Variants in ARIH1 observed in about 807,000 individuals in gnomAD.
The protein encoded by ARIH1 is E3 ubiquitin-protein ligase ARIH1.
ARIH1 carries 8 observed loss-of-function variants against 85.0 expected under a neutral mutation model. The observed-to-expected ratio is 0.09, with a 90% CI of 0.06 to 0.17. The LOEUF is 0.17. Among genes scored for constraint, ARIH1 ranks in the 10% least tolerant of loss-of-function variants. ARIH1 has a pLI of 1.00. For missense variants in ARIH1, 311 were observed against 718.1 expected (o/e 0.43, Z 6.48); for synonymous variants, 238 against 253.6 (o/e 0.94, Z 0.59).
At position 72,592,883 on chromosome 15, in the gene ARIH1, CTT is replaced by C. The variant is rs2064348553; in HGVS notation, c.*9594_*9595del. The C allele has an allele frequency of 6.6e-6, 1 of 152,042 alleles. No individual in the cohort carries two copies. 9.4% of individuals were successfully genotyped at this position (152,042 alleles called of 1,614,324 possible). ...GATGCTATCGATATTCTTACACAGC[CTT>C]TTGTTTTTGTTTTTTGTGGATATAC... On this transcript the variant is annotated 3_prime_UTR_variant, in exon 14 of 14. Coordinates refer to ENST00000379887, the MANE Select transcript of ARIH1 (RefSeq NM_005744.5).
rs1370680500 is a variant in ARIH1 at position 72,590,554 on chromosome 15, T to C, written c.*7262T>C. Reference sequence around the variant, plus strand: ...GAAGTCTAACCTTACTTTGATCTGATGACATGGGCTTTTTAAAAGATTACT... The same window carrying C: ...GAAGTCTAACCTTACTTTGATCTGACGACATGGGCTTTTTAAAAGATTACT... On this transcript the variant is annotated 3_prime_UTR_variant, in exon 14 of 14. Transcript: ENST00000379887. 6.8e-6 allele frequency: 1 copy of C among 146,322 alleles called. No individual in the cohort carries two copies. The highest frequency in any genetic ancestry group is 1.5e-5 in the Non-Finnish European group (1 of 65,964). The allele number at this position is 146,322 out of a possible 1,614,324, so 9.1% of individuals were successfully genotyped here. A position where few individuals can be genotyped will look rare whatever the true frequency, so the allele number is the denominator to read the frequency against.
At chr15:72,497,653 G>T (rs1452315050) in intron 1 of ARIH1, among the ~76,000 whole-genome samples, 2 of 152,162 alleles carry the variant, frequency 1.3e-5, no homozygotes, top group Non-Finnish European at 2.9e-5. Context: ...CTATAGGGAT[G>T]GTGGAATGAT....
chr15:72,477,928 TC>T (rs776889839), intron 1 of ARIH1, among the ~76,000 whole-genome samples: 4 of 151,202 alleles, frequency 2.6e-5, no homozygotes, highest in Non-Finnish European at 4.4e-5. Context: ...TGCCTCAGCT[TC>T]CCCCCCTACC....
intron 1 of ARIH1, among the ~76,000 whole-genome samples, chr15:72,511,048 A>G (rs2063948654): frequency 1.3e-5 from 2 of 152,140 alleles, no homozygotes; most frequent in South Asian, 2.1e-4. Flanking sequence ...AGTGGAATCT[A>G]TAGGTCAGTT....
At chr15:72,516,659 T>TGC (rs1316636251) in intron 1 of ARIH1, among the ~76,000 whole-genome samples, 1 of 152,134 alleles carries the variant, frequency 6.6e-6, no homozygotes, top group Admixed American at 6.5e-5. Flanking sequence ...TGTACTAAGG[T>TGC]GAGTAAGTGA....
chr15:72,545,236 G>A (rs536968817), intron 3 of ARIH1, among the ~76,000 whole-genome samples: 187 of 152,194 alleles, frequency 1.2e-3, no homozygotes, highest in Admixed American at 2.3e-3. Context: ...CTATCACCAT[G>A]GGAGAATTGT....
chr15:72,517,639 G>T (rs2063981201), intron 1 of ARIH1, among the ~76,000 whole-genome samples: 1 of 152,028 alleles, frequency 6.6e-6, no homozygotes, highest in Non-Finnish European at 1.5e-5. Context: ...GCCCAGGCTG[G>T]TCACAAACTC....
chr15:72,536,898 C>T (rs956053997), intron 2 of ARIH1, among the ~76,000 whole-genome samples: 13 of 151,790 alleles, frequency 8.6e-5, no homozygotes, highest in African/African-American at 2.2e-4. Context: ...ATTATAATGC[C>T]TTTTTAAAAA....
intron 1 of ARIH1, among the ~76,000 whole-genome samples, chr15:72,494,151 G>C (rs928978101): frequency 2.0e-5 from 3 of 152,018 alleles, no homozygotes; most frequent in African/African-American, 7.2e-5. Flanking sequence ...CAGTTTAATT[G>C]GGAACCATTT....
intron 1 of ARIH1, among the ~76,000 whole-genome samples, chr15:72,511,373 G>C (rs1244766160): frequency 1.3e-5 from 2 of 152,088 alleles, no homozygotes; most frequent in Non-Finnish European, 2.9e-5. Flanking sequence ...CGCCATCTTG[G>C]CTCACTTGTA....
At position 72,591,374 on chromosome 15, in the gene ARIH1, CAG is replaced by C. The variant is rs1182011841; in HGVS notation, c.*8085_*8086del. On this transcript the variant is annotated 3_prime_UTR_variant, in exon 14 of 14. Coordinates refer to ENST00000379887, the MANE Select transcript of ARIH1 (RefSeq NM_005744.5). ...ATAGCTAAAATTTGTTTCTGTATAA[CAG>C]AGTAGTGCCCTATAAGCCAGTTCAG... The C allele has an allele frequency of 6.6e-6, 1 of 151,976 alleles. No individual in the cohort carries two copies. The highest frequency in any genetic ancestry group is 1.5e-5 in the Non-Finnish European group (1 of 68,024). 9.4% of individuals were successfully genotyped at this position (151,976 alleles called of 1,614,324 possible).
chr15:72,575,194 A>C (rs1412021136), intron 11 of ARIH1, among the ~76,000 whole-genome samples: 1 of 152,150 alleles, frequency 6.6e-6, no homozygotes, highest in Non-Finnish European at 1.5e-5. Flanking sequence ...CCCTGTTCTA[A>C]GCAGTCAAGT....
At chr15:72,526,958 C>T (rs1047366874) in intron 2 of ARIH1, among the ~76,000 whole-genome samples, 1 of 151,224 alleles carries the variant, frequency 6.6e-6, no homozygotes, top group African/African-American at 2.4e-5. Context: ...CCATGCCTCT[C>T]CAGATGAAGC....
At chr15:72,525,738 A>T (rs1010366936) in intron 2 of ARIH1, among the ~76,000 whole-genome samples, 2 of 152,164 alleles carry the variant, frequency 1.3e-5, no homozygotes, top group African/African-American at 4.8e-5. Context: ...TTGGAAAATG[A>T]AAAGAAACAT....
At chr15:72,554,323 C>A (rs940318581) in intron 3 of ARIH1, among the ~76,000 whole-genome samples, 1 of 152,170 alleles carries the variant, frequency 6.6e-6, no homozygotes, top group African/African-American at 2.4e-5. Context: ...TACCATTTTA[C>A]ATTTCCATCA....
intron 4 of ARIH1, 73 bp downstream of exon 4, chr15:72,555,436 C>A: frequency 9.9e-7 from 1 of 1,006,702 alleles, no homozygotes; most frequent in Non-Finnish European, 1.5e-6. Flanking sequence ...CAAATTTGCA[C>A]AAATAAAAAC....
chr15:72,538,754 G>A (rs879880796), intron 2 of ARIH1, among the ~76,000 whole-genome samples: 23 of 152,238 alleles, frequency 1.5e-4, no homozygotes, highest in Non-Finnish European at 2.8e-4. Flanking sequence ...AAAGTTGTCT[G>A]AGTACCAGGT....
intron 1 of ARIH1, among the ~76,000 whole-genome samples, chr15:72,481,109 A>G (rs2063815001): frequency 6.6e-6 from 1 of 152,172 alleles, no homozygotes; most frequent in South Asian, 2.1e-4. Flanking sequence ...GAAGTTATTA[A>G]AGTGTTTGAT....
At chr15:72,557,621 C>G (rs1313835499) in intron 5 of ARIH1, among the ~76,000 whole-genome samples, 1 of 152,076 alleles carries the variant, frequency 6.6e-6, no homozygotes, top group Non-Finnish European at 1.5e-5. Context: ...AAATTCTTTG[C>G]CAAGGCTGAT....
Sources: allele counts gnomAD v4.1 joint callset (sites outside exome capture counted in the v4.1 genomes callset), GRCh38; gene constraint gnomAD v4.1.1; transcripts MANE v1.5; gene names NCBI Gene and HGNC (gene_info 2026-07-23, HGNC 2026-07-21).